INPP4B: variants seen among roughly 807,000 people sequenced by gnomAD.
INPP4B encodes the protein inositol polyphosphate 4-phosphatase type II.
A neutral mutation model predicts 122.5 loss-of-function variants in INPP4B; 55 were observed. That is an observed-to-expected ratio of 0.45 (90% CI 0.36 to 0.56). INPP4B has a LOEUF of 0.56. Ranked by LOEUF, INPP4B falls within the 20% of genes least tolerant of loss-of-function variation. INPP4B has a pLI of 0.00. For synonymous variants in INPP4B, 403 were observed against 388.7 expected (o/e 1.04, Z -0.43); for missense variants, 1,000 against 1,097.7 (o/e 0.91, Z 1.26).
At chr4:142,256,704 C>CA (rs1206871773) in intron 11 of INPP4B, among the ~76,000 whole-genome samples, 2 of 152,136 alleles carry the variant, frequency 1.3e-5, no homozygotes, top group Non-Finnish European at 2.9e-5. Context: ...GAAATTGTGG[C>CA]AATAATCAAT....
At chr4:142,285,185 C>T (rs576697172) in intron 9 of INPP4B, among the ~76,000 whole-genome samples, 2 of 151,626 alleles carry the variant, frequency 1.3e-5, no homozygotes, top group Admixed American at 6.6e-5. Context: ...GATGAGATCT[C>T]GGAGATGACA....
chr4:142,274,203 T>C (rs1252924536), intron 9 of INPP4B, among the ~76,000 whole-genome samples: 1 of 151,908 alleles, frequency 6.6e-6, no homozygotes, highest in Non-Finnish European at 1.5e-5. Context: ...ATTCATCACA[T>C]CTGCGTAGAA....
At chr4:142,208,602 G>T in intron 13 of INPP4B, 73 bp from the exon 14 acceptor site, 1 of 779,072 alleles carries the variant, frequency 1.3e-6, no homozygotes, top group South Asian at 2.4e-5. Context: ...AGATAAATTT[G>T]ACAGAAAAAT....
At chr4:142,609,674 C>A (rs946685467) in intron 2 of INPP4B, among the ~76,000 whole-genome samples, 2 of 152,170 alleles carry the variant, frequency 1.3e-5, no homozygotes, top group Non-Finnish European at 1.5e-5. Context: ...CTATAAATAT[C>A]CATGATGCTG....
At chr4:142,736,834 T>C (rs936649555) in intron 1 of INPP4B, among the ~76,000 whole-genome samples, 5 of 152,280 alleles carry the variant, frequency 3.3e-5, no homozygotes, top group South Asian at 2.1e-4. Context: ...TCCAACACTA[T>C]GTTGAATAGG....
At chr4:142,253,079 T>C (rs1374329523) in intron 11 of INPP4B, among the ~76,000 whole-genome samples, 1 of 152,174 alleles carries the variant, frequency 6.6e-6, no homozygotes, top group Admixed American at 6.5e-5. Context: ...ATGGTAAGTA[T>C]TTATGTACCT....
chr4:142,062,938 A>G (rs2152445145), intron 25 of INPP4B, among the ~76,000 whole-genome samples: 1 of 152,332 alleles, frequency 6.6e-6, no homozygotes, highest in Non-Finnish European at 1.5e-5. Flanking sequence ...ATGGGGAAAT[A>G]TGTTAACTAC....
intron 25 of INPP4B, among the ~76,000 whole-genome samples, chr4:142,044,877 T>C (rs1442786436): frequency 6.6e-6 from 1 of 152,122 alleles, no homozygotes; most frequent in Non-Finnish European, 1.5e-5. Flanking sequence ...AAGCATTCTC[T>C]CATTCATCTG....
intron 5 of INPP4B, among the ~76,000 whole-genome samples, chr4:142,418,916 C>T (rs573578908): frequency 5.3e-5 from 8 of 152,104 alleles, no homozygotes; most frequent in African/African-American, 1.9e-4. Context: ...TGCCTGCTGG[C>T]GCAGGTGAGA....
At chr4:142,566,338 A>C (rs1384631119) in intron 2 of INPP4B, 1 of 152,214 alleles carries the variant, frequency 6.6e-6, no homozygotes, top group Non-Finnish European at 1.5e-5. Flanking sequence ...AAGTTAACAC[A>C]GAAATAATAT....
Position 142,160,451 on chromosome 4 carries a change from G to C in INPP4B, c.1470C>G (p.Ser490Arg), listed in dbSNP as rs1443071824. The change falls in exon 17 of 26, where the codon AGC (serine) becomes AGG (arginine). Residue 490 changes from serine (S) to arginine (R), a missense_variant. Transcript: ENST00000262992. ...GILKKPPSPK[S>R]STEESSPQDQ... ...CTTGGGGACTGCTCTCCTCTGTGCT[G>C]CTCTTAGGAGAGGGTGGCTTCTTAA... The C allele has an allele frequency of 1.2e-6, 2 of 1,612,598 alleles. No individual in the cohort carries two copies. Among genetic ancestry groups the C allele is most frequent in the South Asian group, 2.2e-5 (2 of 90,984 alleles).
In INPP4B at chr4:142,047,866, T is replaced by A. The variant is rs1752408640; in HGVS notation, c.2643-18952A>T. Among the ~76,000 whole-genome samples, 4 of 152,092 alleles carry A rather than the reference T, an allele frequency of 2.6e-5. No individual in the cohort carries two copies. In the South Asian group the frequency reaches 8.3e-4, roughly 31 times the overall value. On this transcript the variant is annotated intron_variant, in intron 25 of 25. Transcript: ENST00000262992. ...TTTCCTAGATAATTATGGGATGAAA[T>A]TAGCCTTTCTCAACCTGCCACTGTG...
chr4:142,259,437 G>A lies in INPP4B; in HGVS notation c.688+1055C>T, dbSNP rs189579039. ...AGGGGTAGAAGAGATGGAGAAGGGC[G>A]CGTGGGTAAGTGTTGAATTTCAATT... On this transcript the variant is annotated intron_variant, in intron 11 of 25. Coordinates refer to ENST00000262992, the MANE Select transcript of INPP4B (RefSeq NM_001101669.3). 7.9e-5 allele frequency among the ~76,000 whole-genome samples: 12 copies of A among 151,496 alleles called. No individual in the cohort carries two copies. The East Asian group carries it at 1.5e-3, about 20-fold the overall frequency.
chr4:142,475,564 A>C (rs985995978), intron 2 of INPP4B, among the ~76,000 whole-genome samples: 3 of 152,194 alleles, frequency 2.0e-5, no homozygotes, highest in Non-Finnish European at 4.4e-5. Flanking sequence ...TTCAAAAGAA[A>C]GAAGAAACCC....
intron 1 of INPP4B, among the ~76,000 whole-genome samples, chr4:142,813,079 C>T (rs958806673): frequency 3.3e-5 from 5 of 152,134 alleles, no homozygotes; most frequent in South Asian, 2.1e-4. Flanking sequence ...AAACCAGTCT[C>T]GCTATAGAAG....
intron 1 of INPP4B, among the ~76,000 whole-genome samples, chr4:142,767,064 T>C (rs1772255037): frequency 6.6e-6 from 1 of 152,192 alleles, no homozygotes; most frequent in Non-Finnish European, 1.5e-5. Flanking sequence ...ATGACACTGG[T>C]TTCCTCAATG....
chr4:142,772,297 T>G (rs890546506), intron 1 of INPP4B, among the ~76,000 whole-genome samples: 1 of 152,142 alleles, frequency 6.6e-6, no homozygotes, highest in South Asian at 2.1e-4. Flanking sequence ...TTAAGGAGCT[T>G]ACAGCAGAGT....
intron 2 of INPP4B, among the ~76,000 whole-genome samples, chr4:142,639,731 C>T (rs1309427520): frequency 2.6e-5 from 4 of 152,012 alleles, no homozygotes; most frequent in South Asian, 4.2e-4. Flanking sequence ...CCTAGCTCTT[C>T]GTGTTTGAGT....
chr4:142,236,768 G>T (rs1561568016), intron 12 of INPP4B, among the ~76,000 whole-genome samples: 1 of 152,022 alleles, frequency 6.6e-6, no homozygotes, highest in Non-Finnish European at 1.5e-5. Context: ...ACTGGCTTAG[G>T]TCAATATGGA....
Sources: allele counts gnomAD v4.1 joint callset (sites outside exome capture counted in the v4.1 genomes callset), GRCh38; gene constraint gnomAD v4.1.1; transcripts MANE v1.5; gene names NCBI Gene and HGNC (gene_info 2026-07-23, HGNC 2026-07-21).